Variants in RELN observed in about 807,000 individuals in gnomAD.
RELN encodes the protein reelin.
A neutral mutation model predicts 427.6 loss-of-function variants in RELN; 108 were observed. The observed-to-expected ratio is 0.25, with a 90% CI of 0.22 to 0.30. The LOEUF (loss-of-function observed/expected upper bound fraction) is 0.30. Ranked by LOEUF, RELN falls within the 10% of genes least tolerant of loss-of-function variation. RELN has a pLI of 1.00. For missense variants in RELN, 3,715 were observed against 4,302.8 expected, an observed-to-expected ratio of 0.86 and a Z score of 3.82; for synonymous variants, 1,524 against 1,513.4, an observed-to-expected ratio of 1.01 and a Z score of -0.16.
intron 4 of RELN, among the ~76,000 whole-genome samples, chr7:103,771,591 C>T (rs755174047): frequency 1.3e-5 from 2 of 152,160 alleles, no homozygotes; most frequent in Non-Finnish European, 2.9e-5. Context: ...AATTGATTAT[C>T]TTTTCTTCCA....
rs201371180 is a variant in RELN, at chr7:103,651,757, C to A, written c.1796G>T (p.Arg599Leu). 1.2e-6 allele frequency: 2 copies of A among 1,611,662 alleles called. No homozygotes were observed. Among genetic ancestry groups the A allele is most frequent in the African/African-American group, 2.7e-5 (2 of 74,862 alleles). Residue 599 changes from arginine to leucine, a missense_variant, in exon 15 of 65, where the codon CGC becomes CTC. By Grantham distance (102) the Arg-to-Leu change is moderately radical. Transcript: ENST00000428762. ...TTCAGTGTGAAGGAGGGACCAGGAG[C>A]GCCCATGGTTGGTAGAAAATTCCAA... is the stretch of plus-strand genomic sequence containing the variant. Reference protein sequence around the residue: ...VSLEFSTNHGRSWSLLHTECL... With the variant: ...VSLEFSTNHGLSWSLLHTECL...
chr7:103,730,116 GA>G (rs1041690409), intron 6 of RELN, among the ~76,000 whole-genome samples: 1 of 151,816 alleles, frequency 6.6e-6, no homozygotes, highest in Non-Finnish European at 1.5e-5. Flanking sequence ...CTTTGACAGA[GA>G]AAAAAAGTAA....
chr7:103,807,949 T>C (rs1171754904), intron 3 of RELN, among the ~76,000 whole-genome samples: 3 of 152,048 alleles, frequency 2.0e-5, no homozygotes, highest in Non-Finnish European at 4.4e-5. Flanking sequence ...CCAGAGACAC[T>C]AGGCACAACT....
intron 22 of RELN, among the ~76,000 whole-genome samples, chr7:103,608,497 G>A (rs775720952): frequency 6.6e-6 from 1 of 151,582 alleles, no homozygotes; most frequent in Non-Finnish European, 1.5e-5. Flanking sequence ...AATGGTCCGG[G>A]GAATAATTTA....
At chr7:103,559,529 A>T (rs545724946) in intron 36 of RELN, among the ~76,000 whole-genome samples, 1 of 152,126 alleles carries the variant, frequency 6.6e-6, no homozygotes, top group Non-Finnish European at 1.5e-5. Flanking sequence ...TTCATGTCTT[A>T]ATGTCTTTAC....
intron 3 of RELN, among the ~76,000 whole-genome samples, chr7:103,817,937 C>CAAAAAAAAAAAAAAAAA (rs71154371): frequency 8.3e-5 from 3 of 36,014 alleles, no homozygotes; most frequent in Non-Finnish European, 1.3e-4. Context: ...GACTCCATCT[C>CAAAAAAAAAAAAAAAAA]AAAAAAAAAA....
intron 60 of RELN, among the ~76,000 whole-genome samples, chr7:103,487,555 C>G (rs1210651091): frequency 2.7e-5 from 4 of 150,790 alleles, no homozygotes; most frequent in Non-Finnish European, 5.9e-5. Flanking sequence ...GAAAAAAAAT[C>G]CAATTTTCTT....
intron 27 of RELN, among the ~76,000 whole-genome samples, chr7:103,591,164 C>T (rs1054283116): frequency 6.6e-6 from 1 of 152,186 alleles, no homozygotes; most frequent in Admixed American, 6.5e-5. Context: ...CATTTAATTA[C>T]CTGCCATCTT....
intron 4 of RELN, among the ~76,000 whole-genome samples, chr7:103,769,859 A>C (rs1191703274): frequency 6.6e-6 from 1 of 152,174 alleles, no homozygotes; most frequent in Admixed American, 6.5e-5. Flanking sequence ...TCGAAATCAC[A>C]ATGTGCCAAG....
intron 2 of RELN, among the ~76,000 whole-genome samples, chr7:103,847,632 GAA>G (rs1793712384): frequency 6.6e-6 from 1 of 152,174 alleles, no homozygotes; most frequent in South Asian, 2.1e-4. Flanking sequence ...TTGGCAGAGA[GAA>G]GAGAGGAGAA....
In RELN at chr7:103,723,169, G is replaced by A. The variant is rs1382967823; in HGVS notation, c.776C>T (p.Thr259Ile). 6.3e-6 allele frequency: 10 copies of A among 1,593,640 alleles called. No homozygotes were observed. Among genetic ancestry groups the A allele is most frequent in the Non-Finnish European group, 7.7e-6 (9 of 1,161,750 alleles). Reference protein sequence around the residue: ...RELITTGLNTTTASVLQFSIG... With the variant: ...RELITTGLNTITASVLQFSIG... ...GGAAAATTGGAGGACAGAAGCTGTT[G>A]TTGTATTAAGGCCTGTGGTAATCTA... The change falls in exon 8 of 65, where the codon ACA becomes ATA. Residue 259 changes from threonine (T) to isoleucine (I), a missense_variant. By Grantham distance (89) the Thr-to-Ile change is moderately conservative. Coordinates refer to ENST00000428762, the MANE Select transcript of RELN (RefSeq NM_005045.4).
chr7:103,891,957 G>T (rs1794859442), intron 2 of RELN, among the ~76,000 whole-genome samples: 1 of 152,140 alleles, frequency 6.6e-6, no homozygotes, highest in Admixed American at 6.6e-5. Flanking sequence ...AACATCGTAT[G>T]TAGGGTAAGA....
intron 10 of RELN, among the ~76,000 whole-genome samples, chr7:103,686,581 G>T (rs192709814): frequency 6.6e-6 from 1 of 152,058 alleles, no homozygotes; most frequent in African/African-American, 2.4e-5. Context: ...GGCATTGTTG[G>T]CAGAGTCATA....
chr7:103,656,186 T>C (rs1833018938), intron 12 of RELN, among the ~76,000 whole-genome samples: 2 of 152,244 alleles, frequency 1.3e-5, no homozygotes, highest in Admixed American at 1.3e-4. Flanking sequence ...TTTGATGACC[T>C]AAATTAATAA....
At chr7:103,901,740 G>C (rs1035844267) in intron 2 of RELN, among the ~76,000 whole-genome samples, 1 of 152,038 alleles carries the variant, frequency 6.6e-6, no homozygotes, top group Non-Finnish European at 1.5e-5. Context: ...CTGGGGATGA[G>C]AGGTGGTAGA....
At chr7:103,831,728 C>T (rs915230169) in intron 3 of RELN, among the ~76,000 whole-genome samples, 4 of 152,016 alleles carry the variant, frequency 2.6e-5, no homozygotes, top group African/African-American at 9.7e-5. Flanking sequence ...GAGGTGCGTG[C>T]CAAGGGAGAT....
chr7:103,547,940 A>G (rs1166854703), intron 41 of RELN, among the ~76,000 whole-genome samples: 1 of 152,218 alleles, frequency 6.6e-6, no homozygotes, highest in African/African-American at 2.4e-5. Flanking sequence ...TCTTATTTTG[A>G]AAATTTCTCA....
chr7:103,962,063 T>C (rs1052429929), intron 1 of RELN, among the ~76,000 whole-genome samples: 5 of 152,196 alleles, frequency 3.3e-5, no homozygotes, highest in African/African-American at 1.2e-4. Flanking sequence ...CTTTTTATAT[T>C]TGGTCACACC....
intron 22 of RELN, among the ~76,000 whole-genome samples, chr7:103,605,157 A>G (rs1789088861): frequency 6.6e-6 from 1 of 152,210 alleles, no homozygotes; most frequent in African/African-American, 2.4e-5. Flanking sequence ...ACAAAAATGT[A>G]AGATGTTTAA....
Sources: allele counts gnomAD v4.1 joint callset (sites outside exome capture counted in the v4.1 genomes callset), GRCh38; gene constraint gnomAD v4.1.1; transcripts MANE v1.5; gene names NCBI Gene and HGNC (gene_info 2026-07-23, HGNC 2026-07-21).